GLRA2: variants seen among roughly 807,000 people sequenced by gnomAD.
The protein encoded by GLRA2 is glycine receptor alpha 2.
Under a neutral mutation model 31.6 loss-of-function variants are expected in GLRA2, and 11 were observed. That is an observed-to-expected ratio of 0.35 (90% confidence interval 0.22 to 0.58). The LOEUF (loss-of-function observed/expected upper bound fraction) is 0.58, where lower values mean the gene tolerates loss of function less well. Among genes scored for constraint, GLRA2 ranks in the 20% least tolerant of loss-of-function variants. The pLI, the probability that GLRA2 is intolerant of heterozygous loss-of-function variation, is 0.84. For synonymous variants in GLRA2, 132 were observed against 134.0 expected (o/e 0.99, Z 0.10); for missense variants, 212 against 351.8 (o/e 0.60, Z 3.18).
intron 7 of GLRA2, among the ~76,000 whole-genome samples, chrX:14,632,082 C>A (rs1404505349): frequency 9.7e-6 from 1 of 102,796 alleles, no homozygotes; most frequent in African/African-American, 3.6e-5. Flanking sequence ...GATTCCTCCT[C>A]CTTGCATCAT....
the GLRA2 span, among the ~76,000 whole-genome samples, chrX:14,488,137 G>A: frequency 3.6e-5 from 4 of 111,803 alleles, no homozygotes; most frequent in Admixed American, 1.9e-4. Context: ...CAGTTGCCTA[G>A]AAAGCTGACA....
intron 7 of GLRA2, among the ~76,000 whole-genome samples, chrX:14,660,624 A>T: frequency 8.9e-6 from 1 of 112,015 alleles, no homozygotes; most frequent in South Asian, 3.7e-4. Flanking sequence ...TGAAGTTATC[A>T]AAGCGAGAGA....
the GLRA2 span, among the ~76,000 whole-genome samples, chrX:14,504,030 G>A: frequency 2.7e-5 from 3 of 110,760 alleles, no homozygotes; most frequent in Admixed American, 9.6e-5. Context: ...CAAAACTACC[G>A]GGACACTTCC....
At chrX:14,704,873 G>GA (rs1406312575) in intron 8 of GLRA2, among the ~76,000 whole-genome samples, 1 of 111,570 alleles carries the variant, frequency 9.0e-6, no homozygotes, top group Non-Finnish European at 1.9e-5. Flanking sequence ...GTCAATATCA[G>GA]AAAAAAAGTA....
At chrX:14,495,258 A>G in the GLRA2 span, among the ~76,000 whole-genome samples, 3 of 111,288 alleles carry the variant, frequency 2.7e-5, no homozygotes, top group African/African-American at 9.8e-5. Flanking sequence ...ATTAGGTGAA[A>G]ACCACTTAAA....
chrX:14,677,083 TAA>T (rs2091153218), intron 7 of GLRA2, among the ~76,000 whole-genome samples: 1 of 111,883 alleles, frequency 8.9e-6, no homozygotes, highest in Non-Finnish European at 1.9e-5. Flanking sequence ...ACATAAGTTA[TAA>T]AGTCATCTAA....
the GLRA2 span, among the ~76,000 whole-genome samples, chrX:14,490,487 A>G: frequency 3.2e-3 from 357 of 112,594 alleles, no homozygotes; most frequent in African/African-American, 0.011. Context: ...TTTTCCTTAA[A>G]GTTGGAACAG....
chrX:14,667,674 T>C (rs953369440), intron 7 of GLRA2, among the ~76,000 whole-genome samples: 1 of 111,513 alleles, frequency 9.0e-6, no homozygotes, highest in African/African-American at 3.3e-5. Flanking sequence ...ATACCTTGCT[T>C]ATTATTTTTA....
chrX:14,484,940 C>G, the GLRA2 span, among the ~76,000 whole-genome samples: 13 of 112,510 alleles, frequency 1.2e-4, no homozygotes, highest in Admixed American at 8.5e-4. Context: ...ACTCAGATAA[C>G]ACAGACATCT....
At chrX:14,506,119 A>G in the GLRA2 span, among the ~76,000 whole-genome samples, 1 of 111,956 alleles carries the variant, frequency 8.9e-6, no homozygotes, top group Non-Finnish European at 1.9e-5. Flanking sequence ...CAAACAATGC[A>G]TAGAAAACAT....
intron 7 of GLRA2, among the ~76,000 whole-genome samples, chrX:14,643,832 T>C (rs1292044100): frequency 3.6e-5 from 4 of 111,645 alleles, no homozygotes; most frequent in African/African-American, 1.3e-4. Flanking sequence ...AAAACATACA[T>C]AGCCTAGGTG....
chrX:14,701,771 G>A (rs954274704), intron 8 of GLRA2, among the ~76,000 whole-genome samples: 2 of 112,474 alleles, frequency 1.8e-5, no homozygotes, highest in Non-Finnish European at 3.8e-5. Context: ...AAATTTAGTT[G>A]AAGTTCTAGT....
chrX:14,453,406 C>T, the GLRA2 span, among the ~76,000 whole-genome samples: 1 of 111,075 alleles, frequency 9.0e-6, no homozygotes, highest in South Asian at 3.8e-4. Flanking sequence ...ACAGAATAGC[C>T]CTCCTTCCAA....
chrX:14,460,154 T>G, the GLRA2 span, among the ~76,000 whole-genome samples: 2 of 112,264 alleles, frequency 1.8e-5, no homozygotes, highest in Admixed American at 1.9e-4. Flanking sequence ...TCATTGGTTC[T>G]GTTTATGTGA....
intron 7 of GLRA2, among the ~76,000 whole-genome samples, chrX:14,622,424 T>A (rs2090531988): frequency 8.9e-6 from 1 of 112,074 alleles, no homozygotes; most frequent in Non-Finnish European, 1.9e-5. Context: ...GTTTTAGTCA[T>A]GAAGACCTTG....
At chrX:14,496,363 T>G in the GLRA2 span, among the ~76,000 whole-genome samples, 3 of 111,960 alleles carry the variant, frequency 2.7e-5, no homozygotes, top group African/African-American at 9.7e-5. Context: ...CGCACATATG[T>G]GGGTTGATCT....
At chrX:14,581,490 A>G (rs1437298517) in intron 4 of GLRA2, 84 bp downstream of exon 4, 4 of 549,781 alleles carry the variant, frequency 7.3e-6, no homozygotes, top group Non-Finnish European at 1.2e-5. Flanking sequence ...TAGGATGTAT[A>G]TGAATATTTG....
the GLRA2 span, among the ~76,000 whole-genome samples, chrX:14,469,593 G>A: frequency 9.7e-5 from 10 of 103,347 alleles, no homozygotes; most frequent in East Asian, 3.1e-3. Context: ...ACTATCGCAA[G>A]AACAAAAAAC....
At chrX:14,640,491 A>G (rs918069103) in intron 7 of GLRA2, among the ~76,000 whole-genome samples, 10 of 111,911 alleles carry the variant, frequency 8.9e-5, no homozygotes, top group African/African-American at 2.9e-4. Flanking sequence ...GCCCATGTAC[A>G]TTAAAATGCC....
Sources: allele counts gnomAD v4.1 joint callset (sites outside exome capture counted in the v4.1 genomes callset), GRCh38; gene constraint gnomAD v4.1.1; transcripts MANE v1.5; gene names NCBI Gene and HGNC (gene_info 2026-07-23, HGNC 2026-07-21).